SRPX: variants seen among roughly 807,000 people sequenced by gnomAD.
SRPX encodes the protein sushi repeat-containing protein SRPX.
In SRPX, 24 loss-of-function variants were observed where a neutral mutation model predicts 38.1. The ratio of observed to expected loss-of-function variants is 0.63; its 90% confidence interval spans 0.46 to 0.89. The LOEUF (loss-of-function observed/expected upper bound fraction) is 0.89, where lower values mean the gene tolerates loss of function less well. SRPX is among the 40% of genes least tolerant of loss of function. SRPX has a pLI of 0.00. For missense variants in SRPX, 416 were observed against 377.8 expected, an observed-to-expected ratio of 1.10 and a Z score of -0.84; for synonymous variants, 184 against 153.8, an observed-to-expected ratio of 1.20 and a Z score of -1.45.
chrX:38,187,492 T>C (rs1473893161), intron 1 of SRPX, among the ~76,000 whole-genome samples: 1 of 112,475 alleles, frequency 8.9e-6, no homozygotes, highest in Admixed American at 9.4e-5. Context: ...TAATAAAATT[T>C]GCTTTAGGAA....
chrX:38,220,064 G>C lies in SRPX; in HGVS notation c.97+632C>G, dbSNP rs920917086. 2.6e-5 allele frequency among the ~76,000 whole-genome samples: 3 copies of C among 113,314 alleles called. No homozygotes were observed. In the Admixed American group the frequency reaches 2.8e-4, roughly 10 times the overall value. On this transcript the variant is annotated intron_variant, in intron 1 of 9. Coordinates refer to ENST00000378533, the MANE Select transcript of SRPX (RefSeq NM_006307.5). Reference sequence around the variant, plus strand: ...CCCTCTGCCCAGCAGATCCTTGCGCGAGTAGCCCTCTTTCCCTGGGGCTAA... The same window carrying C: ...CCCTCTGCCCAGCAGATCCTTGCGCCAGTAGCCCTCTTTCCCTGGGGCTAA...
chrX:38,156,707 C>T (rs1452992541), intron 8 of SRPX, among the ~76,000 whole-genome samples, 189 bp downstream of exon 8: 2 of 112,448 alleles, frequency 1.8e-5, no homozygotes, highest in Non-Finnish European at 3.8e-5. Context: ...TGGGTTAACT[C>T]TAAGGAGTCA....
intron 7 of SRPX, among the ~76,000 whole-genome samples, chrX:38,159,172 A>C (rs1938191643): frequency 8.9e-6 from 1 of 111,990 alleles, no homozygotes; most frequent in Non-Finnish European, 1.9e-5. Flanking sequence ...AGCATATCTC[A>C]ATTCAGAATA....
At chrX:38,205,882 T>C (rs1939200315) in intron 1 of SRPX, among the ~76,000 whole-genome samples, 1 of 112,310 alleles carries the variant, frequency 8.9e-6, no homozygotes, top group Admixed American at 9.4e-5. Context: ...CCATCTCCAA[T>C]ATGCCGTCCC....
intron 1 of SRPX, among the ~76,000 whole-genome samples, chrX:38,199,943 T>C: frequency 8.9e-6 from 1 of 112,394 alleles, no homozygotes; most frequent in South Asian, 3.7e-4. Context: ...GATTTGGCTT[T>C]TGTTGATGTT....
intron 1 of SRPX, among the ~76,000 whole-genome samples, chrX:38,180,207 T>A (rs1938642802): frequency 8.9e-6 from 1 of 111,806 alleles, no homozygotes; most frequent in Non-Finnish European, 1.9e-5. Context: ...GTTGTCATCC[T>A]GGTTAACTTG....
intron 1 of SRPX, among the ~76,000 whole-genome samples, chrX:38,178,926 G>A (rs768691344): frequency 9.5e-4 from 102 of 107,098 alleles, no homozygotes; most frequent in African/African-American, 3.1e-3. Flanking sequence ...TCTCATGAAC[G>A]TATGGCTCAA....
intron 7 of SRPX, 57 bp downstream of exon 7, chrX:38,159,960 A>G: frequency 8.7e-7 from 1 of 1,147,234 alleles, no homozygotes; most frequent in South Asian, 2.0e-5. Flanking sequence ...TTGCACTGGA[A>G]TCAAGAACCA....
intron 1 of SRPX, among the ~76,000 whole-genome samples, chrX:38,194,451 C>T (rs1938958043): frequency 8.9e-6 from 1 of 111,973 alleles, no homozygotes; most frequent in Non-Finnish European, 1.9e-5. Flanking sequence ...GGTATAACTT[C>T]CTTAGTAAAT....
intron 9 of SRPX, among the ~76,000 whole-genome samples, chrX:38,151,955 G>A (rs1938025283): frequency 9.0e-6 from 1 of 110,588 alleles, no homozygotes; most frequent in African/African-American, 3.3e-5. Flanking sequence ...AAGAAATGAG[G>A]GTAAGAAAGA....
intron 1 of SRPX, among the ~76,000 whole-genome samples, chrX:38,203,842 T>C (rs149183248): frequency 0.012 from 1,333 of 112,517 alleles, 31 homozygotes; most frequent in African/African-American, 0.041. Context: ...GATGACATGA[T>C]TGTCTATGTA....
chrX:38,201,319 G>A (rs1308857071), intron 1 of SRPX, among the ~76,000 whole-genome samples: 1 of 110,538 alleles, frequency 9.0e-6, no homozygotes, highest in Admixed American at 9.6e-5. Context: ...AGAAACAAAG[G>A]GAGAAAGAAA....
intron 1 of SRPX, among the ~76,000 whole-genome samples, chrX:38,220,195 C>T (rs1227575040): frequency 1.8e-5 from 2 of 113,591 alleles, no homozygotes; most frequent in Non-Finnish European, 3.7e-5. Flanking sequence ...CAGGGGAGGC[C>T]CCGCCCGTGC....
At chrX:38,199,198 A>G (rs1939059623) in intron 1 of SRPX, among the ~76,000 whole-genome samples, 1 of 111,396 alleles carries the variant, frequency 9.0e-6, no homozygotes. Flanking sequence ...CGAGGTCAGG[A>G]GATCGAGACC....
At chrX:38,161,394 C>A (rs1257422111) in intron 5 of SRPX, among the ~76,000 whole-genome samples, 1 of 107,283 alleles carries the variant, frequency 9.3e-6, no homozygotes, top group East Asian at 2.9e-4. Flanking sequence ...CCAGGGGGGA[C>A]CTGAATTGCC....
At position 38,160,005 on chromosome X, in the gene SRPX, C is replaced by T. The variant is rs780345516; in HGVS notation, c.955+12G>A. ...CAGGTTCTGCTGCAGGCTGGAGGGG[C>T]GGCATACCTACCTGCACAGGTGGGC... On this transcript the variant is annotated intron_variant, in intron 7 of 9. Transcript: ENST00000378533. 11 of 1,204,107 alleles carry T rather than the reference C, an allele frequency of 9.1e-6. No homozygotes were observed. The highest frequency in any genetic ancestry group is 7.2e-5 in the South Asian group (4 of 55,727).
In SRPX at chrX:38,154,546, A is replaced by G. The variant is rs1419522042; in HGVS notation, c.1127T>C (p.Val376Ala). 1.7e-6 allele frequency: 2 copies of G among 1,208,502 alleles called. No individual in the cohort carries two copies. Among genetic ancestry groups the G allele is most frequent in the Middle Eastern group, 2.3e-4 (1 of 4,321 alleles). The part of the protein sequence containing the change: ...QCGLDLRHIT[V>A]VELVGVFPTL... ...CGGGAACACACCCACCAGCTCCACCACGGTGATGTGTCGAAGATCAAGGCC... is the reference window on the plus strand; with the variant it reads ...CGGGAACACACCCACCAGCTCCACCGCGGTGATGTGTCGAAGATCAAGGCC... The change falls in exon 9 of 10, where the codon GTG (valine) becomes GCG (alanine). Residue 376 changes from valine (V) to alanine (A), a missense_variant. Val to Ala is a moderately conservative substitution (Grantham distance 64). Transcript: ENST00000378533.
intron 1 of SRPX, among the ~76,000 whole-genome samples, chrX:38,179,210 T>A (rs965181430): frequency 1.1e-4 from 12 of 112,066 alleles, no homozygotes; most frequent in African/African-American, 3.6e-4. Context: ...CCTCACAAAG[T>A]GCTGGGATTA....
At position 38,178,349 on chromosome X, in the gene SRPX, A is replaced by G. The variant is rs1458605075; in HGVS notation, c.98-5T>C. On this transcript the variant is annotated splice_polypyrimidine_tract_variant and splice_region_variant and intron_variant, in intron 1 of 9. Transcript: ENST00000378533. Reference sequence around the variant, plus strand: ...CTAGTGGTGAGTCTCCCGATCCTACAATAAAAAAGAACAGAAACTGCAGCA... The same window carrying G: ...CTAGTGGTGAGTCTCCCGATCCTACGATAAAAAAGAACAGAAACTGCAGCA... The G allele has an allele frequency of 8.3e-7, 1 of 1,205,760 alleles. No individual in the cohort carries two copies. Among genetic ancestry groups the G allele is most frequent in the Admixed American group, 2.2e-5 (1 of 45,895 alleles).
Sources: allele counts gnomAD v4.1 joint callset (sites outside exome capture counted in the v4.1 genomes callset), GRCh38; gene constraint gnomAD v4.1.1; transcripts MANE v1.5; gene names NCBI Gene and HGNC (gene_info 2026-07-23, HGNC 2026-07-21).